Variants in IQSEC2 observed in about 807,000 individuals in gnomAD.
The protein encoded by IQSEC2 is IQ motif and SEC7 domain-containing protein 2.
A neutral mutation model predicts 74.6 loss-of-function variants in IQSEC2; 6 were observed. That is an observed-to-expected ratio of 0.08 (90% CI 0.04 to 0.16). IQSEC2 has a LOEUF of 0.16. Among genes scored for constraint, IQSEC2 ranks in the 10% least tolerant of loss-of-function variants. The pLI, the probability that IQSEC2 is intolerant of heterozygous loss-of-function variation, is 1.00. For synonymous variants in IQSEC2, 494 were observed against 544.5 expected (o/e 0.91, Z 1.29); for missense variants, 734 against 1,306.2 (o/e 0.56, Z 6.75).
chrX:53,305,370 C>G (rs782410932), intron 1 of IQSEC2, among the ~76,000 whole-genome samples: 1 of 110,766 alleles, frequency 9.0e-6, no homozygotes, highest in African/African-American at 3.3e-5. Flanking sequence ...TACACCACCA[C>G]GCCCAGCTAA....
intron 1 of IQSEC2, among the ~76,000 whole-genome samples, chrX:53,299,361 A>G (rs2075187455): frequency 8.9e-6 from 1 of 112,221 alleles, no homozygotes; most frequent in African/African-American, 3.2e-5. Context: ...GGGCTTCACT[A>G]TCAAATTACT....
At position 53,248,864 on chromosome X, in the gene IQSEC2, G is replaced by T; in HGVS notation, c.2316C>A (p.Ile772=). ...NLFNKKPEKG[I]QYLIERGFLS... ...GGAAGCCCCGCTCGATCAGATACTGGATACCCTTCTCTGGCTTCCTGCAGA... is the reference window on the plus strand; with the variant it reads ...GGAAGCCCCGCTCGATCAGATACTGTATACCCTTCTCTGGCTTCCTGCAGA... The change falls in exon 6 of 15, where the codon ATC becomes ATA. Residue 772 remains isoleucine, a synonymous_variant. Coordinates refer to ENST00000642864, the MANE Select transcript of IQSEC2 (RefSeq NM_001111125.3). 1.5e-5 allele frequency: 18 copies of T among 1,210,586 alleles called. No individual in the cohort carries two copies. The highest frequency in any genetic ancestry group is 2.0e-5 in the Non-Finnish European group (18 of 894,872).
chrX:53,317,376 G>A (rs900915064), intron 1 of IQSEC2, among the ~76,000 whole-genome samples: 4 of 111,639 alleles, frequency 3.6e-5, no homozygotes, highest in Non-Finnish European at 7.5e-5. Flanking sequence ...GGTGCAGGAG[G>A]ATATGGGAAT....
At chrX:53,280,425 G>A (rs1351553295) in intron 2 of IQSEC2, among the ~76,000 whole-genome samples, 4 of 110,838 alleles carry the variant, frequency 3.6e-5, no homozygotes, top group Non-Finnish European at 5.7e-5. Context: ...GAGAAAGGGC[G>A]AGACAGAAGA....
chrX:53,299,811 T>C, intron 1 of IQSEC2, among the ~76,000 whole-genome samples: 1 of 111,171 alleles, frequency 9.0e-6, no homozygotes, highest in South Asian at 3.8e-4. Flanking sequence ...GAGGCAGTGG[T>C]GTGAGCATCG....
At chrX:53,260,781 G>A (rs1402067496) in intron 2 of IQSEC2, among the ~76,000 whole-genome samples, 1 of 111,674 alleles carries the variant, frequency 9.0e-6, no homozygotes, top group Non-Finnish European at 1.9e-5. Flanking sequence ...ACTTACCAAG[G>A]CAGGCACCAT....
intron 1 of IQSEC2, among the ~76,000 whole-genome samples, chrX:53,310,316 C>T (rs782184324): frequency 1.8e-5 from 2 of 110,004 alleles, no homozygotes; most frequent in Non-Finnish European, 1.9e-5. Context: ...CCCAGGATGT[C>T]GAGGCTGCAG....
In IQSEC2 at chrX:53,250,901, G is replaced by A. The variant is rs782448825; in HGVS notation, c.1675C>T (p.Pro559Ser). Residue 559 changes from proline to serine, a missense_variant, in exon 5 of 15, where the codon CCA becomes TCA. Coordinates refer to ENST00000642864, the MANE Select transcript of IQSEC2 (RefSeq NM_001111125.3). ...APLPPVPPPVPSGTREDGSRE... is the reference protein window; with the variant it reads ...APLPPVPPPVSSGTREDGSRE... Reference sequence around the variant, plus strand: ...CTACCGTCTTCCCGGGTTCCTGATGGCACTGGTGGAGGAACTGGCGGGAGA... The same window carrying A: ...CTACCGTCTTCCCGGGTTCCTGATGACACTGGTGGAGGAACTGGCGGGAGA... The A allele has an allele frequency of 8.3e-7, 1 of 1,209,228 alleles. No homozygotes were observed. The highest frequency in any genetic ancestry group is 1.7e-5 in the African/African-American group (1 of 57,531).
chrX:53,312,559 A>C lies in IQSEC2; in HGVS notation c.707+7858T>G, dbSNP rs782524020. The stretch of plus-strand genomic sequence containing the variant: ...ATGGTTTCTCCTCCTGTCCTCCCAC[A>C]GCACAGAGCTTTACAGAGTTATTAT... On this transcript the variant is annotated intron_variant, in intron 1 of 14. Transcript: ENST00000642864. Among the ~76,000 whole-genome samples the C allele has an allele frequency of 1.2e-4, 13 of 112,578 alleles. No individual in the cohort carries two copies. The South Asian group carries it at 4.7e-3, about 41-fold the overall frequency.
In IQSEC2 at chrX:53,234,181, C is replaced by G. The variant is rs2074088249; in HGVS notation, c.*38G>C. 1 of 685,808 alleles carries G rather than the reference C, an allele frequency of 1.5e-6. No homozygotes were observed. The highest frequency in any genetic ancestry group is 2.4e-5 in the African/African-American group (1 of 41,582). The allele number at this position is 685,808 out of a possible 1,213,427, so 56.5% of individuals were successfully genotyped here. ...TGCAAGGTCCCTCTCCTGTGGCTCC[C>G]CAGACTTTCCTGTTCCCCAGCTCAC... On this transcript the variant is annotated 3_prime_UTR_variant, in exon 15 of 15. Coordinates refer to ENST00000642864, the MANE Select transcript of IQSEC2 (RefSeq NM_001111125.3).
downstream of IQSEC2, chrX:53,230,463 C>T (rs1449196791): frequency 8.8e-6 from 1 of 113,126 alleles, no homozygotes; most frequent in Non-Finnish European, 1.9e-5. Flanking sequence ...TCAGTAGCCA[C>T]ATGTGGCTAG....
chrX:53,286,677 C>T (rs1202919268), intron 2 of IQSEC2, among the ~76,000 whole-genome samples: 1 of 111,382 alleles, frequency 9.0e-6, no homozygotes, highest in Admixed American at 9.6e-5. Flanking sequence ...CGCGGTGGCT[C>T]ACACCTATAA....
intron 1 of IQSEC2, among the ~76,000 whole-genome samples, chrX:53,317,587 G>C (rs1472738152): frequency 8.9e-6 from 1 of 112,033 alleles, no homozygotes; most frequent in Non-Finnish European, 1.9e-5. Flanking sequence ...ACTAAAGAAA[G>C]TCCCTAGGCA....
intron 1 of IQSEC2, among the ~76,000 whole-genome samples, chrX:53,304,468 A>G (rs1047255123): frequency 1.8e-5 from 2 of 112,133 alleles, no homozygotes; most frequent in African/African-American, 6.5e-5. Flanking sequence ...CTTGTTTAAC[A>G]CAACTCACTG....
chrX:53,275,178 G>A (rs1279751001), intron 2 of IQSEC2, among the ~76,000 whole-genome samples: 3 of 102,313 alleles, frequency 2.9e-5, no homozygotes, highest in African/African-American at 1.1e-4. Context: ...TTCTTCTTTT[G>A]ACAGAGTCTC....
At position 53,288,385 on chromosome X, in the gene IQSEC2, C is replaced by A. The variant is rs1286536143; in HGVS notation, c.737+3510G>T. ...CTGTCTCCGCGGGTGTCAGCGGCTC[C>A]CCCACCCCCTCCCTCCTTCCCTAGC... On this transcript the variant is annotated intron_variant, in intron 2 of 14. Transcript: ENST00000642864. 3.8e-5 allele frequency among the ~76,000 whole-genome samples: 4 copies of A among 105,612 alleles called. No individual in the cohort carries two copies. The East Asian group carries it at 1.2e-3, about 32-fold the overall frequency. 91.7% of individuals were successfully genotyped at this position (105,612 alleles called of 115,157 possible). A position where few individuals can be genotyped will look rare whatever the true frequency, so the allele number is the denominator to read the frequency against.
At chrX:53,280,856 G>A (rs782574307) in intron 2 of IQSEC2, among the ~76,000 whole-genome samples, 6 of 111,812 alleles carry the variant, frequency 5.4e-5, no homozygotes, top group South Asian at 7.5e-4. Context: ...GAGTGGAGCC[G>A]ACCCCTTCCA....
At chrX:53,307,336 G>A (rs1250016870) in intron 1 of IQSEC2, among the ~76,000 whole-genome samples, 1 of 56,365 alleles carries the variant, frequency 1.8e-5, no homozygotes, top group Non-Finnish European at 3.1e-5. Context: ...GTTTCATCAT[G>A]TTATCATATT....
intron 2 of IQSEC2, among the ~76,000 whole-genome samples, chrX:53,272,865 C>A (rs1215718985): frequency 9.0e-6 from 1 of 111,656 alleles, no homozygotes; most frequent in African/African-American, 3.3e-5. Context: ...GCTTTGAGAT[C>A]GAATCCAATT....
Sources: allele counts gnomAD v4.1 joint callset (sites outside exome capture counted in the v4.1 genomes callset), GRCh38; gene constraint gnomAD v4.1.1; transcripts MANE v1.5; gene names NCBI Gene and HGNC (gene_info 2026-07-23, HGNC 2026-07-21).